Variants in ATP9B observed in about 807,000 individuals in gnomAD.
The protein encoded by ATP9B is ATPase phospholipid transporting 9B.
Under a neutral mutation model 146.1 loss-of-function variants are expected in ATP9B, and 110 were observed. That is an observed-to-expected ratio of 0.75 (90% CI 0.65 to 0.88). ATP9B has a LOEUF of 0.88. ATP9B is among the 40% of genes least tolerant of loss of function. ATP9B has a pLI of 0.00. For missense variants in ATP9B, 1,499 were observed against 1,496.4 expected (o/e 1.00, Z -0.03); for synonymous variants, 604 against 569.7 (o/e 1.06, Z -0.86).
chr18:79,372,665 GA>G, intron 26 of ATP9B, 159 bp from the exon 27 acceptor site: 3 of 692,378 alleles, frequency 4.3e-6, no homozygotes, highest in Non-Finnish European at 5.3e-6. Context: ...CGGGTGTCAG[GA>G]AAAGGCGCCC....
chr18:79,199,844 T>G (rs1410703150), intron 9 of ATP9B, among the ~76,000 whole-genome samples: 1 of 151,964 alleles, frequency 6.6e-6, no homozygotes, highest in Admixed American at 6.6e-5. Context: ...TATCACTGTC[T>G]CCTCCTACAC....
At chr18:79,246,780 C>CT (rs1344168780) in intron 11 of ATP9B, among the ~76,000 whole-genome samples, 2 of 152,222 alleles carry the variant, frequency 1.3e-5, no homozygotes, top group African/African-American at 4.8e-5. Context: ...GAGTACGACT[C>CT]TGAGACAGAT....
intron 5 of ATP9B, among the ~76,000 whole-genome samples, chr18:79,143,402 T>A (rs1205974861): frequency 6.6e-6 from 1 of 152,194 alleles, no homozygotes; most frequent in African/African-American, 2.4e-5. Context: ...TTTTGGTCAG[T>A]TATGTGCTAA....
At chr18:79,361,167 A>C (rs949818604) in intron 26 of ATP9B, 1 of 152,342 alleles carries the variant, frequency 6.6e-6, no homozygotes, top group African/African-American at 2.4e-5. Flanking sequence ...GCTGGGAGAA[A>C]CTTGTCATAG....
At chr18:79,193,947 G>A (rs186814323) in intron 9 of ATP9B, among the ~76,000 whole-genome samples, 4 of 152,330 alleles carry the variant, frequency 2.6e-5, no homozygotes, top group South Asian at 2.1e-4. Context: ...ACTTGAAAAA[G>A]CATTTACAGA....
At chr18:79,124,298 CGAATT>C (rs1242885976) in intron 4 of ATP9B, among the ~76,000 whole-genome samples, 2 of 152,132 alleles carry the variant, frequency 1.3e-5, no homozygotes, top group Admixed American at 1.3e-4. Context: ...TACTAAAAAA[CGAATT>C]GTATACATTT....
chr18:79,200,958 G>A (rs1270111919), intron 9 of ATP9B, among the ~76,000 whole-genome samples: 1 of 152,182 alleles, frequency 6.6e-6, no homozygotes, highest in Non-Finnish European at 1.5e-5. Flanking sequence ...AGGTGCAAGT[G>A]CCAAGTGTTG....
At chr18:79,250,407 G>T (rs1468513508) in intron 11 of ATP9B, among the ~76,000 whole-genome samples, 1 of 152,090 alleles carries the variant, frequency 6.6e-6, no homozygotes, top group Admixed American at 6.6e-5. Flanking sequence ...TATGCACTTT[G>T]CATTCATTGA....
intron 13 of ATP9B, among the ~76,000 whole-genome samples, chr18:79,302,056 G>A (rs893396248): frequency 6.6e-6 from 1 of 152,136 alleles, no homozygotes; most frequent in Non-Finnish European, 1.5e-5. Context: ...TCCAGTTTGG[G>A]TTATATTCCA....
intron 15 of ATP9B, among the ~76,000 whole-genome samples, chr18:79,318,254 G>A (rs1054159896): frequency 6.6e-6 from 1 of 152,238 alleles, no homozygotes; most frequent in East Asian, 1.9e-4. Context: ...GTGAAAAGGG[G>A]AAAGGAAGAG....
chr18:79,177,888 G>A (rs1166610372), intron 8 of ATP9B, among the ~76,000 whole-genome samples: 1 of 152,092 alleles, frequency 6.6e-6, no homozygotes, highest in Admixed American at 6.6e-5. Context: ...TTAATTTTCA[G>A]TGTTCTATGA....
intron 26 of ATP9B, among the ~76,000 whole-genome samples, chr18:79,372,122 C>T (rs7245121): frequency 0.26 from 38,802 of 151,122 alleles, 5,830 homozygotes; most frequent in African/African-American, 0.41. Context: ...TCTTCTTGGA[C>T]TCTAAATTAA....
intron 11 of ATP9B, among the ~76,000 whole-genome samples, chr18:79,223,893 A>G (rs2095704465): frequency 6.6e-6 from 1 of 152,238 alleles, no homozygotes. Flanking sequence ...TATCTAAACT[A>G]GAAAACTTAG....
chr18:79,284,107 A>C (rs1057099983), intron 13 of ATP9B, among the ~76,000 whole-genome samples: 3 of 152,234 alleles, frequency 2.0e-5, no homozygotes, highest in Non-Finnish European at 4.4e-5. Flanking sequence ...AGATGGCATC[A>C]TCATGAAGGG....
At chr18:79,351,799 G>A (rs913040810) in intron 25 of ATP9B, among the ~76,000 whole-genome samples, 4 of 151,824 alleles carry the variant, frequency 2.6e-5, no homozygotes, top group East Asian at 1.9e-4. Context: ...CATGGGGGCC[G>A]CAAAGGTGGT....
chr18:79,209,926 T>C (rs1372506399), intron 10 of ATP9B, among the ~76,000 whole-genome samples: 1 of 152,234 alleles, frequency 6.6e-6, no homozygotes, highest in Non-Finnish European at 1.5e-5. Flanking sequence ...TTCTTTGTAA[T>C]TGATTACAAG....
intron 5 of ATP9B, among the ~76,000 whole-genome samples, chr18:79,136,407 G>A (rs2094448189): frequency 6.6e-6 from 1 of 152,208 alleles, no homozygotes; most frequent in African/African-American, 2.4e-5. Context: ...GGTTTTGAGC[G>A]ATTTGATTAT....
intron 7 of ATP9B, among the ~76,000 whole-genome samples, chr18:79,175,735 C>T (rs545527044): frequency 1.3e-5 from 2 of 152,234 alleles, no homozygotes; most frequent in South Asian, 4.2e-4. Flanking sequence ...CAAACATACA[C>T]ACAAGCACAC....
intron 26 of ATP9B, chr18:79,364,330 C>T (rs1423943494): frequency 6.6e-6 from 1 of 151,748 alleles, no homozygotes; most frequent in Non-Finnish European, 1.5e-5. Context: ...CTACCTGATT[C>T]CAAGACTTAC....
Sources: gnomAD v4.1 joint callset for allele counts (sites outside exome capture counted in the v4.1 genomes callset) on GRCh38, gnomAD v4.1.1 for gene constraint, MANE v1.5 for transcripts, NCBI Gene and HGNC (gene_info 2026-07-23, HGNC 2026-07-21) for gene names.